The following ROBO1 variants were observed in gnomAD, a reference collection of about 807,000 sequenced individuals.
The protein encoded by ROBO1 is roundabout guidance receptor 1.
Under a neutral mutation model 195.9 loss-of-function variants are expected in ROBO1, and 149 were observed. The observed-to-expected ratio is 0.76, with a 90% CI of 0.67 to 0.87. ROBO1 has a LOEUF of 0.87. Among genes scored for constraint, ROBO1 ranks in the 40% least tolerant of loss-of-function variants. The pLI is 0.00. For synonymous variants in ROBO1, 816 were observed against 733.2 expected, an observed-to-expected ratio of 1.11 and a Z score of -1.82; for missense variants, 1,933 against 2,068.3, an observed-to-expected ratio of 0.93 and a Z score of 1.27.
At chr3:79,276,215 T>A (rs1481590415) in intron 2 of ROBO1, among the ~76,000 whole-genome samples, 2 of 152,004 alleles carry the variant, frequency 1.3e-5, no homozygotes, top group Non-Finnish European at 2.9e-5. Flanking sequence ...CTACTTCACT[T>A]CAAATTATAC....
intron 2 of ROBO1, among the ~76,000 whole-genome samples, chr3:79,573,435 C>T (rs1252271890): frequency 6.6e-6 from 1 of 151,990 alleles, no homozygotes; most frequent in Non-Finnish European, 1.5e-5. Context: ...TATTTGTCAC[C>T]AGAAATTAAA....
At chr3:79,394,092 C>T (rs186308214) in intron 2 of ROBO1, among the ~76,000 whole-genome samples, 1 of 151,260 alleles carries the variant, frequency 6.6e-6, no homozygotes, top group East Asian at 2.0e-4. Flanking sequence ...CAAGAGAAAT[C>T]AGTTGGCAAT....
intron 4 of ROBO1, among the ~76,000 whole-genome samples, chr3:78,786,905 G>C (rs1172077108): frequency 3.3e-5 from 5 of 152,144 alleles, no homozygotes; most frequent in African/African-American, 1.2e-4. Flanking sequence ...CCATGTCTTA[G>C]AGAAGGTAAG....
intron 3 of ROBO1, among the ~76,000 whole-genome samples, chr3:79,059,782 T>C (rs2078880824): frequency 6.6e-6 from 1 of 152,014 alleles, no homozygotes; most frequent in Non-Finnish European, 1.5e-5. Context: ...ACTGAGGATG[T>C]ATGTTGCCTC....
At chr3:79,467,194 T>C (rs1457081219) in intron 2 of ROBO1, among the ~76,000 whole-genome samples, 1 of 151,276 alleles carries the variant, frequency 6.6e-6, no homozygotes, top group Non-Finnish European at 1.5e-5. Flanking sequence ...TGGCAAGGGG[T>C]TTGATAATGG....
chr3:79,154,855 T>C (rs535535734), intron 2 of ROBO1, among the ~76,000 whole-genome samples: 10 of 151,958 alleles, frequency 6.6e-5, no homozygotes, highest in African/African-American at 2.2e-4. Flanking sequence ...GGGCGGAAAT[T>C]TGTTTTACCT....
intron 2 of ROBO1, among the ~76,000 whole-genome samples, chr3:79,287,397 T>C (rs1448700557): frequency 2.0e-5 from 3 of 152,148 alleles, no homozygotes; most frequent in African/African-American, 7.2e-5. Context: ...TTTCCAGACA[T>C]ATGCAAACCC....
At chr3:79,575,557 AAT>A (rs1943457936) in intron 2 of ROBO1, among the ~76,000 whole-genome samples, 1 of 141,204 alleles carries the variant, frequency 7.1e-6, no homozygotes, top group Admixed American at 7.5e-5. Context: ...ATATATAACA[AAT>A]ATATATAAAT....
chr3:79,322,370 C>A (rs555569079), intron 2 of ROBO1, among the ~76,000 whole-genome samples: 1 of 152,234 alleles, frequency 6.6e-6, no homozygotes, highest in South Asian at 2.1e-4. Flanking sequence ...CATAAATATA[C>A]TGAGCATTAT....
intron 1 of ROBO1, among the ~76,000 whole-genome samples, chr3:79,605,234 G>T: frequency 6.8e-6 from 1 of 146,050 alleles, no homozygotes. Flanking sequence ...TTTTATGATA[G>T]TTTCCGTATT....
chr3:79,210,758 C>A (rs2081954168), intron 2 of ROBO1, among the ~76,000 whole-genome samples: 1 of 151,974 alleles, frequency 6.6e-6, no homozygotes, highest in South Asian at 2.1e-4. Context: ...TTATCAATGT[C>A]TTATTACCTT....
chr3:79,053,172 C>T (rs1337993648), intron 3 of ROBO1, among the ~76,000 whole-genome samples: 2 of 151,876 alleles, frequency 1.3e-5, no homozygotes, highest in African/African-American at 2.4e-5. Context: ...AATGACATAC[C>T]AATCCCATGA....
intron 2 of ROBO1, among the ~76,000 whole-genome samples, chr3:79,438,510 A>G: frequency 6.6e-6 from 1 of 152,070 alleles, no homozygotes; most frequent in East Asian, 1.9e-4. Context: ...TTTATATTTT[A>G]AAATATTCTT....
At chr3:78,804,885 T>C (rs918162994) in intron 4 of ROBO1, among the ~76,000 whole-genome samples, 10 of 152,178 alleles carry the variant, frequency 6.6e-5, no homozygotes, top group Admixed American at 2.6e-4. Flanking sequence ...TGGGTTCATC[T>C]GCTTCAGGCA....
At chr3:79,443,824 T>G (rs1392588202) in intron 2 of ROBO1, among the ~76,000 whole-genome samples, 1 of 151,772 alleles carries the variant, frequency 6.6e-6, no homozygotes, top group Non-Finnish European at 1.5e-5. Context: ...TAGAATGAGA[T>G]AGAGCACACA....
At chr3:79,490,758 T>C (rs1939410897) in intron 2 of ROBO1, among the ~76,000 whole-genome samples, 2 of 152,184 alleles carry the variant, frequency 1.3e-5, no homozygotes, top group Admixed American at 6.5e-5. Context: ...GCCCCTCTGA[T>C]TGGCCTTGTG....
chr3:78,747,482 C>T (rs2082685291), intron 4 of ROBO1, among the ~76,000 whole-genome samples: 1 of 152,078 alleles, frequency 6.6e-6, no homozygotes, highest in Admixed American at 6.6e-5. Flanking sequence ...TACATTGAAA[C>T]TCATTGTGTT....
intron 3 of ROBO1, among the ~76,000 whole-genome samples, chr3:79,118,365 T>C (rs527879237): frequency 2.0e-5 from 3 of 152,144 alleles, no homozygotes; most frequent in African/African-American, 7.2e-5. Flanking sequence ...AATTAGCCAG[T>C]CACTACTGTA....
At chr3:79,068,408 T>A (rs2079036406) in intron 3 of ROBO1, among the ~76,000 whole-genome samples, 1 of 151,906 alleles carries the variant, frequency 6.6e-6, no homozygotes, top group African/African-American at 2.4e-5. Context: ...ATTACCTTTG[T>A]CTTCAGCAAT....
Sources: allele counts gnomAD v4.1 joint callset (sites outside exome capture counted in the v4.1 genomes callset), GRCh38; gene constraint gnomAD v4.1.1; transcripts MANE v1.5; gene names NCBI Gene and HGNC (gene_info 2026-07-23, HGNC 2026-07-21).